MECOM: variants seen among roughly 807,000 people sequenced by gnomAD.
The protein encoded by MECOM is MDS1 and EVI1 complex locus, also known as histone-lysine N-methyltransferase MECOM.
A neutral mutation model predicts 116.3 loss-of-function variants in MECOM; 13 were observed. The ratio of observed to expected loss-of-function variants is 0.11; its 90% CI spans 0.07 to 0.18. The LOEUF (loss-of-function observed/expected upper bound fraction) is 0.18. Ranked by LOEUF, MECOM falls within the 10% of genes least tolerant of loss-of-function variation. The pLI is 1.00. For missense variants in MECOM, 1,299 were observed against 1,509.0 expected (o/e 0.86, Z 2.31); for synonymous variants, 528 against 535.2 (o/e 0.99, Z 0.19).
At chr3:169,571,238 A>C (rs1263215086) in intron 1 of MECOM, among the ~76,000 whole-genome samples, 1 of 152,212 alleles carries the variant, frequency 6.6e-6, no homozygotes, top group Admixed American at 6.5e-5. Flanking sequence ...ACTCCCATTC[A>C]CAACTGCTAC....
At chr3:169,406,960 A>G (rs769255879) in intron 1 of MECOM, among the ~76,000 whole-genome samples, 3 of 151,450 alleles carry the variant, frequency 2.0e-5, no homozygotes, top group Non-Finnish European at 2.9e-5. Context: ...TCTCTGCCTC[A>G]GTCTCCCAAG....
intron 1 of MECOM, among the ~76,000 whole-genome samples, chr3:169,583,904 C>G (rs1023815985): frequency 6.6e-6 from 1 of 152,038 alleles, no homozygotes; most frequent in African/African-American, 2.4e-5. Flanking sequence ...CGTGTCCAGC[C>G]AGTAAATATT....
At position 169,388,552 on chromosome 3, in the gene MECOM, A is replaced by G. The variant is rs76503776; in HGVS notation, c.38-7028T>C. ...AGTAGGGAAAATGAATTTCCAGAAA[A>G]CTGACTTAAACAAGCTGTGAAGGAC... is the stretch of plus-strand genomic sequence containing the variant. On this transcript the variant is annotated intron_variant, in intron 1 of 16. Transcript: ENST00000651503. Among the ~76,000 whole-genome samples, 196 of 152,322 alleles carry G rather than the reference A, an allele frequency of 1.3e-3. 2 individuals are homozygous for G. Among genetic ancestry groups the G allele is most frequent in the African/African-American group, 4.3e-3 (178 of 41,584 alleles).
intron 2 of MECOM, among the ~76,000 whole-genome samples, chr3:169,340,154 A>G (rs1381397694): frequency 6.6e-6 from 1 of 152,192 alleles, no homozygotes; most frequent in Middle Eastern, 3.2e-3. Context: ...TTTGCTATTG[A>G]TTGCTTCTTT....
intron 2 of MECOM, among the ~76,000 whole-genome samples, chr3:169,309,496 A>G (rs1448152892): frequency 6.6e-6 from 1 of 152,176 alleles, no homozygotes; most frequent in Non-Finnish European, 1.5e-5. Context: ...TGACAATTAC[A>G]TATAGAGGGA....
chr3:169,582,759 T>G (rs915576010), intron 1 of MECOM, among the ~76,000 whole-genome samples: 12 of 152,212 alleles, frequency 7.9e-5, no homozygotes, highest in Non-Finnish European at 1.5e-4. Context: ...ACCAGCTGCG[T>G]CAGGAAGCAG....
At chr3:169,254,618 C>A (rs1416627360) in intron 2 of MECOM, among the ~76,000 whole-genome samples, 1 of 152,036 alleles carries the variant, frequency 6.6e-6, no homozygotes, top group Non-Finnish European at 1.5e-5. Context: ...ATTTCCTAAA[C>A]TTTCATGTTA....
intron 2 of MECOM, among the ~76,000 whole-genome samples, chr3:169,304,674 C>T (rs943406773): frequency 7.2e-5 from 11 of 152,136 alleles, no homozygotes; most frequent in African/African-American, 1.9e-4. Context: ...CTGAAAATTC[C>T]GACAACTTTG....
At chr3:169,483,975 T>C (rs983954362) in intron 1 of MECOM, 43 of 1,600,300 alleles carry the variant, frequency 2.7e-5, no homozygotes, top group Non-Finnish European at 3.6e-5. Context: ...ACAGGGTGGG[T>C]GCAATCAAGA....
intron 1 of MECOM, among the ~76,000 whole-genome samples, chr3:169,485,991 ATATG>A (rs1298782248): frequency 0.032 from 3,294 of 102,022 alleles, 58 homozygotes; most frequent in African/African-American, 0.059. Context: ...TATAGTATAT[ATATG>A]TATATATATA....
intron 1 of MECOM, among the ~76,000 whole-genome samples, chr3:169,639,411 T>C (rs1773194166): frequency 6.6e-6 from 1 of 152,228 alleles, no homozygotes; most frequent in Non-Finnish European, 1.5e-5. Flanking sequence ...TTGTCTTTCC[T>C]ACTGAATATG....
intron 14 of MECOM, among the ~76,000 whole-genome samples, chr3:169,090,964 T>G (rs1476040384): frequency 1.3e-5 from 2 of 152,038 alleles, no homozygotes; most frequent in Admixed American, 1.3e-4. Context: ...ATATTCAGAT[T>G]TCCCAGGATT....
At chr3:169,656,858 A>G (rs548243993) in intron 1 of MECOM, among the ~76,000 whole-genome samples, 10 of 152,248 alleles carry the variant, frequency 6.6e-5, no homozygotes, top group Non-Finnish European at 8.8e-5. Context: ...TTGCCTTAAA[A>G]AAAATTCAGT....
chr3:169,189,228 A>G (rs1475121670), intron 2 of MECOM, among the ~76,000 whole-genome samples: 1 of 152,122 alleles, frequency 6.6e-6, no homozygotes, highest in Non-Finnish European at 1.5e-5. Flanking sequence ...CTTTACCTAA[A>G]GAGTGAAAAA....
intron 6 of MECOM, 97 bp downstream of exon 6, chr3:169,122,483 C>T (rs1268555684): frequency 1.2e-5 from 17 of 1,380,184 alleles, no homozygotes; most frequent in Non-Finnish European, 1.7e-5. Context: ...TTATAGTTTC[C>T]CCTCTGAAGG....
Position 169,116,422 on chromosome 3 carries a change from C to A in MECOM, c.1450G>T (p.Ala484Ser). Residue 484 changes from alanine to serine, a missense_variant, in exon 8 of 17, where the codon GCT (alanine) becomes TCT (serine). This residue lies in a region of MECOM where 238 missense variants were observed against 273.1 expected (regional missense o/e 0.87). Coordinates refer to ENST00000651503, the MANE Select transcript of MECOM (RefSeq NM_004991.4). Reference sequence around the variant, plus strand: ...GGGAAGCTAAAAGAAAATCCAGGAGCTGTTGGAAAGGTAAGACCAGCAGGA... The same window carrying A: ...GGGAAGCTAAAAGAAAATCCAGGAGATGTTGGAAAGGTAAGACCAGCAGGA... ...RHPAGLTFPT[A>S]PGFSFSFPGL... 6.2e-7 allele frequency: 1 copy of A among 1,614,172 alleles called. No individual in the cohort carries two copies. Among genetic ancestry groups the A allele is most frequent in the Non-Finnish European group, 8.5e-7 (1 of 1,180,050 alleles).
chr3:169,311,094 A>C (rs1718679501), intron 2 of MECOM, among the ~76,000 whole-genome samples: 1 of 152,232 alleles, frequency 6.6e-6, no homozygotes, highest in Non-Finnish European at 1.5e-5. Context: ...TGTTCTTCAC[A>C]ATGACTCTTA....
chr3:169,340,515 C>A (rs1423946676), intron 2 of MECOM, among the ~76,000 whole-genome samples: 1 of 152,110 alleles, frequency 6.6e-6, no homozygotes, highest in Non-Finnish European at 1.5e-5. Flanking sequence ...CCTGGTACAC[C>A]ATCATCTCAT....
intron 3 of MECOM, among the ~76,000 whole-genome samples, chr3:169,141,047 A>C (rs1333302183): frequency 6.6e-6 from 1 of 152,092 alleles, no homozygotes; most frequent in Non-Finnish European, 1.5e-5. Flanking sequence ...AATTGATTAA[A>C]CTTGATCTTT....
Sources: gnomAD v4.1 joint callset for allele counts (sites outside exome capture counted in the v4.1 genomes callset) on GRCh38, gnomAD v4.1.1 for gene constraint, gnomAD v4.1.1 regional missense constraint, MANE v1.5 for transcripts, NCBI Gene and HGNC (gene_info 2026-07-23, HGNC 2026-07-21) for gene names.